SPIDR: variants seen among roughly 807,000 people sequenced by gnomAD.
The protein encoded by SPIDR is DNA repair-scaffolding protein.
In SPIDR, 93 loss-of-function variants were observed where a neutral mutation model predicts 104.6. The observed-to-expected ratio is 0.89, with a 90% confidence interval of 0.75 to 1.06. The LOEUF is 1.06. SPIDR is among the 50% of genes least tolerant of loss of function. SPIDR has a pLI of 0.00. For synonymous variants in SPIDR, 431 were observed against 416.9 expected, an observed-to-expected ratio of 1.03 and a Z score of -0.41; for missense variants, 1,154 against 1,111.2, an observed-to-expected ratio of 1.04 and a Z score of -0.55.
intron 6 of SPIDR, among the ~76,000 whole-genome samples, chr8:47,404,982 A>T (rs1025218171): frequency 6.6e-6 from 1 of 152,222 alleles, no homozygotes. Context: ...GAGTGGATTA[A>T]GAAAATATGG....
At chr8:47,481,148 G>A (rs1293446697) in intron 8 of SPIDR, among the ~76,000 whole-genome samples, 1 of 152,196 alleles carries the variant, frequency 6.6e-6, no homozygotes, top group East Asian at 1.9e-4. Context: ...AGGTGCTGCT[G>A]TCTTCTGACT....
chr8:47,573,399 C>G (rs2058738844), intron 8 of SPIDR, among the ~76,000 whole-genome samples: 1 of 152,236 alleles, frequency 6.6e-6, no homozygotes, highest in South Asian at 2.1e-4. Context: ...CAGTAGTCCT[C>G]TGTGATAAGG....
At chr8:47,273,378 A>G (rs961252214) in intron 1 of SPIDR, among the ~76,000 whole-genome samples, 4 of 152,220 alleles carry the variant, frequency 2.6e-5, no homozygotes, top group African/African-American at 9.6e-5. Flanking sequence ...GAAGAGATGG[A>G]TAGAGCAAGA....
intron 3 of SPIDR, among the ~76,000 whole-genome samples, chr8:47,284,921 C>T (rs1341421454): frequency 2.0e-5 from 3 of 152,220 alleles, no homozygotes; most frequent in African/African-American, 7.2e-5. Context: ...CGCTGGTTCT[C>T]CTGCCATAGG....
chr8:47,414,767 A>C (rs888263449), intron 7 of SPIDR, among the ~76,000 whole-genome samples: 7 of 152,204 alleles, frequency 4.6e-5, no homozygotes, highest in African/African-American at 1.7e-4. Flanking sequence ...AGTCATTACA[A>C]ATAAAACGTG....
At chr8:47,592,486 G>T in intron 8 of SPIDR, 2 of 1,424,098 alleles carry the variant, frequency 1.4e-6, no homozygotes, top group Non-Finnish European at 2.0e-6. Context: ...AATCCTGAGA[G>T]CCAGCAATGA....
At chr8:47,284,374 A>G (rs1317824283) in intron 3 of SPIDR, among the ~76,000 whole-genome samples, 2 of 152,148 alleles carry the variant, frequency 1.3e-5, no homozygotes, top group Non-Finnish European at 2.9e-5. Context: ...AGGTTAGCTC[A>G]TGCTCATAGC....
At chr8:47,488,542 A>G (rs923080738) in intron 8 of SPIDR, among the ~76,000 whole-genome samples, 26 of 152,174 alleles carry the variant, frequency 1.7e-4, no homozygotes, top group Admixed American at 5.2e-4. Context: ...TGGCAGAGAC[A>G]CACAAAAAAA....
At chr8:47,420,680 T>A (rs1268235006) in intron 7 of SPIDR, among the ~76,000 whole-genome samples, 1 of 152,230 alleles carries the variant, frequency 6.6e-6, no homozygotes, top group African/African-American at 2.4e-5. Context: ...GTTATTTTGC[T>A]CATTAGTTGA....
At chr8:47,317,672 A>T (rs1430209863) in intron 5 of SPIDR, among the ~76,000 whole-genome samples, 2 of 152,136 alleles carry the variant, frequency 1.3e-5, no homozygotes, top group East Asian at 1.9e-4. Flanking sequence ...GACCCCCCCG[A>T]GTAGCTTAAC....
At position 47,394,795 on chromosome 8, in the gene SPIDR, G is replaced by A. The variant is rs189431368; in HGVS notation, c.526-1581G>A. Among the ~76,000 whole-genome samples the A allele has an allele frequency of 2.0e-5, 3 of 152,226 alleles. No individual in the cohort carries two copies. In the East Asian group the frequency reaches 5.8e-4, roughly 29 times the overall value. ...CATTCTGAACTGCTCTGGATCTCTT[G>A]GTGGCCCAATTTGATTGTTTATTCA... is the stretch of plus-strand genomic sequence containing the variant. On this transcript the variant is annotated intron_variant, in intron 5 of 19. Transcript: ENST00000297423.
chr8:47,484,685 G>A (rs2077302252), intron 8 of SPIDR, among the ~76,000 whole-genome samples: 1 of 152,216 alleles, frequency 6.6e-6, no homozygotes, highest in Non-Finnish European at 1.5e-5. Context: ...ACACAATTGT[G>A]ATCCTGGATT....
chr8:47,324,268 C>T (rs1421709325), intron 5 of SPIDR, among the ~76,000 whole-genome samples: 1 of 152,154 alleles, frequency 6.6e-6, no homozygotes, highest in Non-Finnish European at 1.5e-5. Context: ...CTGTGTGATT[C>T]TTAACCTTGT....
At chr8:47,625,418 A>G (rs993986963) in intron 10 of SPIDR, among the ~76,000 whole-genome samples, 2 of 152,236 alleles carry the variant, frequency 1.3e-5, no homozygotes, top group South Asian at 2.1e-4. Flanking sequence ...AATAAAGGGT[A>G]TTCAGTTAGG....
At chr8:47,715,551 AG>A (rs2154489872) in intron 16 of SPIDR, among the ~76,000 whole-genome samples, 1 of 152,342 alleles carries the variant, frequency 6.6e-6, no homozygotes, top group Non-Finnish European at 1.5e-5. Flanking sequence ...TGCCATTAAA[AG>A]TAATGGAAAG....
At chr8:47,513,206 T>G (rs2082629516) in intron 8 of SPIDR, among the ~76,000 whole-genome samples, 1 of 152,256 alleles carries the variant, frequency 6.6e-6, no homozygotes, top group Non-Finnish European at 1.5e-5. Flanking sequence ...ACTTCCAATG[T>G]TATTTCTGTA....
chr8:47,714,219 A>G (rs1335507903), intron 16 of SPIDR, among the ~76,000 whole-genome samples: 1 of 152,084 alleles, frequency 6.6e-6, no homozygotes, highest in African/African-American at 2.4e-5. Context: ...ACTGGGTGGC[A>G]GAGGTAGAGA....
At chr8:47,658,566 T>C (rs2073393592) in intron 10 of SPIDR, among the ~76,000 whole-genome samples, 1 of 151,782 alleles carries the variant, frequency 6.6e-6, no homozygotes, top group African/African-American at 2.4e-5. Flanking sequence ...TTGTTGTTGT[T>C]GTTGTTGTTG....
At chr8:47,460,212 G>C (rs771976804) in intron 8 of SPIDR, among the ~76,000 whole-genome samples, 3 of 152,108 alleles carry the variant, frequency 2.0e-5, no homozygotes, top group Non-Finnish European at 2.9e-5. Context: ...TTGATGACCT[G>C]TCTAGTCCTA....
Sources: gnomAD v4.1 joint callset for allele counts (sites outside exome capture counted in the v4.1 genomes callset) on GRCh38, gnomAD v4.1.1 for gene constraint, MANE v1.5 for transcripts, NCBI Gene and HGNC (gene_info 2026-07-23, HGNC 2026-07-21) for gene names.